Variants in SPPL2A observed in about 807,000 individuals in gnomAD.
SPPL2A encodes the protein signal peptide peptidase like 2A.
SPPL2A carries 51 observed loss-of-function variants against 63.8 expected under a neutral mutation model. The ratio of observed to expected loss-of-function variants is 0.80; its 90% confidence interval spans 0.64 to 1.01. The LOEUF (loss-of-function observed/expected upper bound fraction) is 1.01. Among genes scored for constraint, SPPL2A ranks in the 50% least tolerant of loss-of-function variants. The pLI, the probability that SPPL2A is intolerant of heterozygous loss-of-function variation, is 0.00. For synonymous variants in SPPL2A, 188 were observed against 205.8 expected, an observed-to-expected ratio of 0.91 and a Z score of 0.74; for missense variants, 553 against 622.7, an observed-to-expected ratio of 0.89 and a Z score of 1.19.
chr15:50,748,619 G>A (rs566905270), intron 3 of SPPL2A, 69 bp downstream of exon 3: 10 of 1,067,874 alleles, frequency 9.4e-6, no homozygotes, highest in Admixed American at 2.5e-5. Flanking sequence ...ACACAAAGAC[G>A]TTAATTCCAT....
intron 14 of SPPL2A, among the ~76,000 whole-genome samples, chr15:50,715,061 T>C (rs1315767289): frequency 1.3e-5 from 2 of 151,924 alleles, no homozygotes; most frequent in Non-Finnish European, 2.9e-5. Context: ...GGTACAATCT[T>C]GGCTCACTGC....
At chr15:50,756,356 CAAAAAAAAAA>C (rs34922256) in intron 1 of SPPL2A, among the ~76,000 whole-genome samples, 6 of 63,402 alleles carry the variant, frequency 9.5e-5, no homozygotes, top group African/African-American at 3.0e-4. Context: ...GACTCCGTCT[CAAAAAAAAAA>C]AAAAAAAAAA....
chr15:50,713,702 T>C (rs917819747), intron 14 of SPPL2A, among the ~76,000 whole-genome samples: 1 of 152,192 alleles, frequency 6.6e-6, no homozygotes, highest in East Asian at 1.9e-4. Context: ...CAGCTTGTGA[T>C]AGCTCAGAAT....
At chr15:50,754,780 T>C (rs571042770) in intron 1 of SPPL2A, among the ~76,000 whole-genome samples, 1 of 151,754 alleles carries the variant, frequency 6.6e-6, no homozygotes, top group Non-Finnish European at 1.5e-5. Flanking sequence ...GTCGGGTGTT[T>C]GAGACCAGCC....
intron 14 of SPPL2A, among the ~76,000 whole-genome samples, chr15:50,715,222 T>C (rs1266832275): frequency 6.6e-6 from 1 of 152,100 alleles, no homozygotes; most frequent in Non-Finnish European, 1.5e-5. Context: ...GGTCTCGAAC[T>C]CCTGATCTCA....
intron 5 of SPPL2A, among the ~76,000 whole-genome samples, chr15:50,742,339 A>C (rs927542979): frequency 1.3e-5 from 2 of 152,118 alleles, no homozygotes; most frequent in African/African-American, 4.8e-5. Context: ...GCAGTGAGCC[A>C]AGATCGCGCC....
intron 14 of SPPL2A, among the ~76,000 whole-genome samples, chr15:50,710,361 G>GA (rs1482713335): frequency 6.6e-6 from 1 of 151,800 alleles, no homozygotes; most frequent in Non-Finnish European, 1.5e-5. Flanking sequence ...TCTAATCCCT[G>GA]AACATAGAAA....
chr15:50,736,259 A>G, intron 7 of SPPL2A, 57 bp from the exon 8 acceptor site: 1 of 1,025,328 alleles, frequency 9.8e-7, no homozygotes, highest in South Asian at 1.3e-5. Flanking sequence ...TTCACTTGAT[A>G]TAAGAAGTAG....
chr15:50,755,906 C>T (rs1025964245), intron 1 of SPPL2A, among the ~76,000 whole-genome samples: 1 of 152,008 alleles, frequency 6.6e-6, no homozygotes, highest in African/African-American at 2.4e-5. Flanking sequence ...AGTTATCAGC[C>T]ACCACGCTTG....
At chr15:50,724,782 T>C (rs996692141) in intron 12 of SPPL2A, among the ~76,000 whole-genome samples, 1 of 152,194 alleles carries the variant, frequency 6.6e-6, no homozygotes, top group African/African-American at 2.4e-5. Context: ...TCTTTTTGTA[T>C]TACGCAGTCC....
Position 50,704,364 on chromosome 15 carries a change from T to C in SPPL2A, c.*3436A>G, listed in dbSNP as rs893067552. The C allele has an allele frequency of 1.8e-5, 2 of 111,598 alleles. No homozygotes were observed. Among genetic ancestry groups the C allele is most frequent in the African/African-American group, 6.4e-5 (2 of 31,110 alleles). 6.9% of individuals were successfully genotyped at this position (111,598 alleles called of 1,614,324 possible). A position where few individuals can be genotyped will look rare whatever the true frequency, so the allele number is the denominator to read the frequency against. ...TCTCAAAAAAAAAAAAAAAAAAAAA[T>C]CTACAAGCTAGAAGAAAATATAATG... On this transcript the variant is annotated 3_prime_UTR_variant, in exon 15 of 15. Transcript: ENST00000261854.
chr15:50,758,584 T>A (rs1015311527), intron 1 of SPPL2A, among the ~76,000 whole-genome samples: 9 of 151,928 alleles, frequency 5.9e-5, no homozygotes, highest in Non-Finnish European at 1.0e-4. Context: ...TGCCTCAGCC[T>A]CCCAAAGGGC....
intron 1 of SPPL2A, among the ~76,000 whole-genome samples, chr15:50,755,786 T>C (rs1183112168): frequency 6.6e-6 from 1 of 151,938 alleles, no homozygotes; most frequent in Non-Finnish European, 1.5e-5. Flanking sequence ...ACCACTGCTA[T>C]AGGAGCAGTG....
At chr15:50,758,564 GTGA>G in intron 1 of SPPL2A, among the ~76,000 whole-genome samples, 1 of 152,010 alleles carries the variant, frequency 6.6e-6, no homozygotes, top group Admixed American at 6.6e-5. Flanking sequence ...TCTTGACCGC[GTGA>G]TCTGCCTGCC....
intron 5 of SPPL2A, among the ~76,000 whole-genome samples, chr15:50,740,783 T>G (rs1031025180): frequency 6.6e-6 from 1 of 152,100 alleles, no homozygotes; most frequent in Non-Finnish European, 1.5e-5. Context: ...GCTAATTTTT[T>G]GTATTTTAGT....
rs1165958520 is a variant in SPPL2A at position 50,762,720 on chromosome 15, TTC to T, written c.66+2746_66+2747del. On this transcript the variant is annotated intron_variant, in intron 1 of 14. Coordinates refer to ENST00000261854, the MANE Select transcript of SPPL2A (RefSeq NM_032802.4). ...ATGACTAAGGGGAAGCAGTGCCAGT[TTC>T]TTTTTTTCTTTTCTTTTTTTTTTTT... 2.0e-5 allele frequency among the ~76,000 whole-genome samples: 3 copies of T among 149,448 alleles called. No homozygotes were observed. In the Admixed American group the frequency reaches 2.0e-4, roughly 10 times the overall value.
At chr15:50,732,309 T>C (rs1478117874) in intron 9 of SPPL2A, among the ~76,000 whole-genome samples, 3 of 131,128 alleles carry the variant, frequency 2.3e-5, no homozygotes, top group African/African-American at 8.8e-5. Flanking sequence ...CTTGAACCCC[T>C]TAAATTTATA....
intron 5 of SPPL2A, among the ~76,000 whole-genome samples, chr15:50,742,321 C>T (rs1044236887): frequency 5.3e-5 from 8 of 151,758 alleles, no homozygotes; most frequent in Non-Finnish European, 8.8e-5. Context: ...ACCCAGGAGG[C>T]GGAGGTTGCA....
intron 10 of SPPL2A, among the ~76,000 whole-genome samples, chr15:50,730,620 C>T (rs905678017): frequency 5.3e-5 from 8 of 152,092 alleles, no homozygotes; most frequent in African/African-American, 1.7e-4. Flanking sequence ...CGATTTCCAG[C>T]GTGCTGCTCT....
Sources: allele counts gnomAD v4.1 joint callset (sites outside exome capture counted in the v4.1 genomes callset), GRCh38; gene constraint gnomAD v4.1.1; transcripts MANE v1.5; gene names NCBI Gene and HGNC (gene_info 2026-07-23, HGNC 2026-07-21).